Variants in GABRR3 observed in about 807,000 individuals in gnomAD.
GABRR3 encodes gamma-aminobutyric acid receptor subunit rho-3.
GABRR3 carries 29 observed loss-of-function variants against 43.2 expected under a neutral mutation model. The observed-to-expected ratio is 0.67, with a 90% CI of 0.50 to 0.92. The LOEUF (loss-of-function observed/expected upper bound fraction) is 0.92. GABRR3 is among the 40% of genes least tolerant of loss of function. The pLI is 0.00. For missense variants in GABRR3, 576 were observed against 572.3 expected (o/e 1.01, Z -0.07); for synonymous variants, 206 against 195.9 (o/e 1.05, Z -0.43).
chr3:98,010,699 A>G (rs1169817194), intron 5 of GABRR3, among the ~76,000 whole-genome samples: 3 of 152,148 alleles, frequency 2.0e-5, no homozygotes, highest in African/African-American at 7.2e-5. Context: ...CCCCACCAAA[A>G]TTAATTTAAA....
intron 5 of GABRR3, 50 bp downstream of exon 5, chr3:98,012,294 C>T: frequency 1.5e-6 from 2 of 1,350,586 alleles, no homozygotes; most frequent in Non-Finnish European, 2.1e-6. Flanking sequence ...AGCTTTGGTG[C>T]AGATGGCTGC....
chr3:98,032,831 A>G (rs12491083), intron 2 of GABRR3, among the ~76,000 whole-genome samples: 32,213 of 152,002 alleles, frequency 0.21, 3,694 homozygotes, highest in East Asian at 0.46. Context: ...TCTTCCTTTC[A>G]TGTTCACTCT....
intron 8 of GABRR3, 24 bp from the exon 9 acceptor site, chr3:97,993,072 G>A: frequency 6.4e-7 from 1 of 1,555,434 alleles, no homozygotes; most frequent in Non-Finnish European, 8.7e-7. Flanking sequence ...ATAGTGGCAA[G>A]CTCAGTGATA....
At chr3:97,998,143 C>T (rs1344424503) in intron 8 of GABRR3, 2 of 151,750 alleles carry the variant, frequency 1.3e-5, no homozygotes, top group African/African-American at 4.8e-5. Flanking sequence ...AAGTGTATTA[C>T]AGTGATAGGT....
intron 5 of GABRR3, among the ~76,000 whole-genome samples, chr3:98,010,210 G>A (rs1413046654): frequency 2.0e-5 from 3 of 152,218 alleles, no homozygotes. Flanking sequence ...GGACACAGAT[G>A]AAAATCAACA....
chr3:98,024,100 G>A (rs1382388681), intron 3 of GABRR3, among the ~76,000 whole-genome samples: 4 of 152,226 alleles, frequency 2.6e-5, no homozygotes, highest in Admixed American at 6.5e-5. Flanking sequence ...GCTTACACCT[G>A]TAATCCCAGC....
chr3:97,993,536 C>T (rs371792061), intron 8 of GABRR3, among the ~76,000 whole-genome samples: 1 of 152,056 alleles, frequency 6.6e-6, no homozygotes, highest in African/African-American at 2.4e-5. Context: ...TTCAAGATTG[C>T]TATTCTCTAT....
At chr3:97,994,404 C>T (rs944561768) in intron 8 of GABRR3, among the ~76,000 whole-genome samples, 1 of 152,222 alleles carries the variant, frequency 6.6e-6, no homozygotes. Context: ...CTCACCTTCA[C>T]ACTGATTTGA....
At chr3:98,033,008 AGTAATTACTGTATTTTG>A (rs1418853754) in intron 2 of GABRR3, among the ~76,000 whole-genome samples, 14 of 152,172 alleles carry the variant, frequency 9.2e-5, no homozygotes, top group Non-Finnish European at 1.8e-4. Context: ...GACTCTATAC[AGTAATTACTGTATTTTG>A]GTCAAATGCC....
chr3:98,001,730 C>T, exon 8 of GABRR3: 4 of 1,613,146 alleles, frequency 2.5e-6, no homozygotes, highest in Non-Finnish European at 3.4e-6. Context: ...AAACATGCCT[C>T]CTTAGCACAA....
intron 8 of GABRR3, among the ~76,000 whole-genome samples, chr3:97,995,408 T>G (rs1176632325): frequency 6.6e-6 from 1 of 152,182 alleles, no homozygotes; most frequent in Non-Finnish European, 1.5e-5. Context: ...CAAATGTATA[T>G]GCCTGATTGG....
chr3:98,026,253 G>T (rs1007333905), intron 2 of GABRR3, among the ~76,000 whole-genome samples: 1 of 152,210 alleles, frequency 6.6e-6, no homozygotes, highest in South Asian at 2.1e-4. Context: ...CCCATCCGGG[G>T]TTCTAGAGCC....
chr3:97,986,739 A>T, exon 10 of GABRR3: 8 of 1,589,624 alleles, frequency 5.0e-6, no homozygotes, highest in Non-Finnish European at 6.0e-6. Context: ...ATGGGGAATA[A>T]AATCCTAGAA....
At chr3:97,990,075 A>T (rs1035616960) in intron 9 of GABRR3, among the ~76,000 whole-genome samples, 2 of 152,040 alleles carry the variant, frequency 1.3e-5, no homozygotes, top group Non-Finnish European at 2.9e-5. Context: ...ATCTCATCCT[A>T]TTGGATTTGT....
At chr3:98,030,261 A>T (rs970580341) in intron 2 of GABRR3, among the ~76,000 whole-genome samples, 1 of 152,172 alleles carries the variant, frequency 6.6e-6, no homozygotes, top group Non-Finnish European at 1.5e-5. Flanking sequence ...GAAAAATCAT[A>T]ATTTTCTCGG....
chr3:97,999,490 C>G (rs914884039), intron 8 of GABRR3: 1 of 151,904 alleles, frequency 6.6e-6, no homozygotes, highest in Non-Finnish European at 1.5e-5. Context: ...TGCTTACATA[C>G]GGACAGTAGT....
At chr3:98,010,837 C>T (rs1162957365) in intron 5 of GABRR3, among the ~76,000 whole-genome samples, 2 of 152,194 alleles carry the variant, frequency 1.3e-5, no homozygotes, top group Admixed American at 6.5e-5. Context: ...CCATGGCTCA[C>T]ACCTGTAACG....
rs761246207 is a variant in GABRR3 at position 98,012,339 on chromosome 3, C to T, written c.530+5G>A. 1 of 1,611,908 alleles carries T rather than the reference C, an allele frequency of 6.2e-7. No homozygotes were observed. Among genetic ancestry groups the T allele is most frequent in the South Asian group, 1.1e-5 (1 of 90,944 alleles). The stretch of plus-strand genomic sequence containing the variant: ...AAGCCAAAGGCGATAGGCAGCTTTC[C>T]TTACCTGAGACTTAGGAGGACGTTT... On this transcript the variant is annotated splice_donor_5th_base_variant and intron_variant, in intron 5 of 9. Transcript: ENST00000621172.
intron 2 of GABRR3, among the ~76,000 whole-genome samples, chr3:98,030,057 G>T (rs1288683335): frequency 6.6e-6 from 1 of 151,228 alleles, no homozygotes; most frequent in African/African-American, 2.4e-5. Flanking sequence ...AGAGGTGGCA[G>T]TGAGCCGAGA....
Sources: gnomAD v4.1 joint callset for allele counts (sites outside exome capture counted in the v4.1 genomes callset) on GRCh38, gnomAD v4.1.1 for gene constraint, MANE v1.5 for transcripts, NCBI Gene and HGNC (gene_info 2026-07-23, HGNC 2026-07-21) for gene names.